Variants in NWD2 observed in about 807,000 individuals in gnomAD.
NWD2 encodes the protein NACHT and WD repeat domain containing 2.
In NWD2, 37 loss-of-function variants were observed where a neutral mutation model predicts 132.7. That is an observed-to-expected ratio of 0.28 (90% CI 0.21 to 0.37). The LOEUF is 0.37. Ranked by LOEUF, NWD2 falls within the 10% of genes least tolerant of loss-of-function variation. The pLI is 1.00. For missense variants in NWD2, 1,592 were observed against 2,122.4 expected, an observed-to-expected ratio of 0.75 and a Z score of 4.91; for synonymous variants, 705 against 803.0, an observed-to-expected ratio of 0.88 and a Z score of 2.06.
chr4:37,411,932 C>A (rs575043788), intron 3 of NWD2, among the ~76,000 whole-genome samples: 1 of 152,178 alleles, frequency 6.6e-6, no homozygotes. Context: ...CAAAATTCAA[C>A]ACCCATTCAT....
intron 1 of NWD2, among the ~76,000 whole-genome samples, chr4:37,261,241 G>A (rs1278455760): frequency 3.3e-5 from 5 of 152,116 alleles, no homozygotes; most frequent in Admixed American, 6.6e-5. Context: ...ACCAGCTGGC[G>A]TGCATTAAAC....
rs78949298 is a variant in NWD2 at position 37,294,059 on chromosome 4, C to T, written c.152-31877C>T. Among the ~76,000 whole-genome samples, 19 of 152,128 alleles carry T rather than the reference C, an allele frequency of 1.2e-4. No individual in the cohort carries two copies. The East Asian group carries it at 2.9e-3, about 23-fold the overall frequency. The stretch of plus-strand genomic sequence containing the variant: ...TTCCACAAATCACAGGAAGTCCCCA[C>T]CCCCCTACTCCTTTCTGGAAAGGAA... On this transcript the variant is annotated intron_variant, in intron 1 of 6. Transcript: ENST00000309447.
chr4:37,261,385 T>C (rs1717633646), intron 1 of NWD2, among the ~76,000 whole-genome samples: 1 of 152,226 alleles, frequency 6.6e-6, no homozygotes, highest in South Asian at 2.1e-4. Context: ...CAACTGTCTG[T>C]CAAGGTTGAC....
At position 37,244,887 on chromosome 4, in the gene NWD2, T is replaced by C; in HGVS notation, c.-181T>C. On this transcript the variant is annotated 5_prime_UTR_variant, in exon 1 of 7. Coordinates refer to ENST00000309447, the MANE Select transcript of NWD2 (RefSeq NM_001144990.2). The surrounding 1 kb of genome is among the most constrained non-coding windows in gnomAD (Gnocchi z 5.5). Reference sequence around the variant, plus strand: ...GGAGCCCGAGGGTCCGTATGGCTTCTCCTCGCCGGCGGGTGCTGTGCGCCA... The same window carrying C: ...GGAGCCCGAGGGTCCGTATGGCTTCCCCTCGCCGGCGGGTGCTGTGCGCCA... 1.4e-6 allele frequency: 1 copy of C among 710,672 alleles called. No homozygotes were observed. The highest frequency in any genetic ancestry group is 3.1e-5 in the East Asian group (1 of 31,804). The allele number at this position is 710,672 out of a possible 1,614,324, so 44.0% of individuals were successfully genotyped here. A position where few individuals can be genotyped will look rare whatever the true frequency, so the allele number is the denominator to read the frequency against.
chr4:37,314,271 T>C (rs2217819), intron 1 of NWD2, among the ~76,000 whole-genome samples: 1 of 152,076 alleles, frequency 6.6e-6, no homozygotes, highest in African/African-American at 2.4e-5. Flanking sequence ...TTTTTTCTTT[T>C]GATGTCTGTC....
chr4:37,348,603 T>G (rs1159596210), intron 2 of NWD2, among the ~76,000 whole-genome samples: 2 of 38,778 alleles, frequency 5.2e-5, no homozygotes, highest in African/African-American at 1.6e-4. Flanking sequence ...TTTTTTTTTT[T>G]GTTGAATTTT....
At chr4:37,270,598 C>G (rs1212761929) in intron 1 of NWD2, among the ~76,000 whole-genome samples, 2 of 151,604 alleles carry the variant, frequency 1.3e-5, no homozygotes, top group African/African-American at 4.8e-5. Flanking sequence ...ACAATCATGA[C>G]TCATTTTTAA....
chr4:37,285,850 T>G (rs1348996074), intron 1 of NWD2, among the ~76,000 whole-genome samples: 1 of 152,222 alleles, frequency 6.6e-6, no homozygotes, highest in East Asian at 1.9e-4. Context: ...GTATCACTAT[T>G]CCATTCAGAT....
At chr4:37,357,193 C>T (rs1041361910) in intron 3 of NWD2, among the ~76,000 whole-genome samples, 5 of 147,000 alleles carry the variant, frequency 3.4e-5, no homozygotes, top group African/African-American at 1.2e-4. Flanking sequence ...ACAGATCCTA[C>T]CAATCGATAA....
chr4:37,288,780 G>A (rs909382109), intron 1 of NWD2, among the ~76,000 whole-genome samples: 13 of 152,152 alleles, frequency 8.5e-5, no homozygotes, highest in Non-Finnish European at 2.9e-5. Flanking sequence ...GTAAACAATA[G>A]ATCTGAGTTT....
chr4:37,440,058 T>C (rs747704420), intron 6 of NWD2, among the ~76,000 whole-genome samples: 1 of 90,598 alleles, frequency 1.1e-5, no homozygotes, highest in East Asian at 2.9e-4. Context: ...GCCTCCCATC[T>C]CTTTGGAGGC....
At chr4:37,260,433 G>A (rs1045390317) in intron 1 of NWD2, among the ~76,000 whole-genome samples, 5 of 152,148 alleles carry the variant, frequency 3.3e-5, no homozygotes, top group African/African-American at 9.7e-5. Flanking sequence ...TTTTATGGAG[G>A]GAAAATGTGG....
intron 3 of NWD2, among the ~76,000 whole-genome samples, chr4:37,419,464 A>G (rs1241115569): frequency 6.6e-6 from 1 of 152,180 alleles, no homozygotes; most frequent in Non-Finnish European, 1.5e-5. Flanking sequence ...TAAACAGACA[A>G]CCTACAGGAT....
chr4:37,372,238 A>G (rs1287158986), intron 3 of NWD2, among the ~76,000 whole-genome samples: 1 of 152,238 alleles, frequency 6.6e-6, no homozygotes, highest in Non-Finnish European at 1.5e-5. Context: ...ATATAAATAT[A>G]TAAAACATAA....
Position 37,244,843 on chromosome 4 carries a change from GCAGGAGACCGCCGCGA to G in NWD2, c.-218_-203del. The G allele has an allele frequency of 1.8e-6, 1 of 552,116 alleles. No individual in the cohort carries two copies. The highest frequency in any genetic ancestry group is 2.2e-5 in the South Asian group (1 of 45,046). The allele number at this position is 552,116 out of a possible 1,614,324, so 34.2% of individuals were successfully genotyped here. A position where few individuals can be genotyped will look rare whatever the true frequency, so the allele number is the denominator to read the frequency against. On this transcript the variant is annotated 5_prime_UTR_variant, in exon 1 of 7. Coordinates refer to ENST00000309447, the MANE Select transcript of NWD2 (RefSeq NM_001144990.2). The surrounding 1 kb of genome is among the most constrained non-coding windows in gnomAD (Gnocchi z 5.5). ...CGGGCGAAGGCGGAGGCCCAGAAGG[GCAGGAGACCGCCGCGA>G]CAGGAGCCCGAGGGTCCGTATGGCT... is the stretch of plus-strand genomic sequence containing the variant.
chr4:37,259,692 C>A (rs1717590164), intron 1 of NWD2, among the ~76,000 whole-genome samples: 1 of 152,144 alleles, frequency 6.6e-6, no homozygotes, highest in South Asian at 2.1e-4. Context: ...CAGCAGGATC[C>A]CCACGGGGAT....
intron 3 of NWD2, among the ~76,000 whole-genome samples, chr4:37,381,380 C>G (rs958074067): frequency 1.3e-5 from 2 of 152,166 alleles, no homozygotes; most frequent in African/African-American, 2.4e-5. Flanking sequence ...GATATCGAAT[C>G]CCATTTAACA....
At chr4:37,375,947 C>T (rs1327952880) in intron 3 of NWD2, among the ~76,000 whole-genome samples, 3 of 152,078 alleles carry the variant, frequency 2.0e-5, no homozygotes, top group Non-Finnish European at 4.4e-5. Flanking sequence ...AAAGTATTTT[C>T]CAATGATAAT....
At chr4:37,281,200 T>A (rs1195190999) in intron 1 of NWD2, among the ~76,000 whole-genome samples, 1 of 152,134 alleles carries the variant, frequency 6.6e-6, no homozygotes, top group Non-Finnish European at 1.5e-5. Flanking sequence ...ATTGCAGGAC[T>A]CCAGTTCAGA....
Sources: gnomAD v4.1 joint callset for allele counts (sites outside exome capture counted in the v4.1 genomes callset) on GRCh38, gnomAD v4.1.1 for gene constraint, Gnocchi (gnomAD v3.1) non-coding constraint, MANE v1.5 for transcripts, NCBI Gene and HGNC (gene_info 2026-07-23, HGNC 2026-07-21) for gene names.